The following KIFAP3 variants were observed in gnomAD, a reference collection of about 807,000 sequenced individuals.
KIFAP3 encodes the protein kinesin associated protein 3, also known as kinesin-associated protein 3.
A neutral mutation model predicts 106.5 loss-of-function variants in KIFAP3; 68 were observed. That is an observed-to-expected ratio of 0.64 (90% CI 0.53 to 0.78). The LOEUF is 0.78. Among genes scored for constraint, KIFAP3 ranks in the 30% least tolerant of loss-of-function variants. KIFAP3 has a pLI of 0.00. For missense variants in KIFAP3, 780 were observed against 941.8 expected (o/e 0.83, Z 2.25); for synonymous variants, 320 against 311.5 (o/e 1.03, Z -0.29).
intron 17 of KIFAP3, among the ~76,000 whole-genome samples, chr1:169,970,761 G>A (rs1665878699): frequency 6.6e-6 from 1 of 152,012 alleles, no homozygotes; most frequent in African/African-American, 2.4e-5. Context: ...AATGCTAACT[G>A]AACAAAAACT....
chr1:169,943,322 T>C (rs967807270), intron 19 of KIFAP3, among the ~76,000 whole-genome samples: 8 of 152,166 alleles, frequency 5.3e-5, no homozygotes, highest in Non-Finnish European at 8.8e-5. Context: ...AAATATCTAA[T>C]ATTTCTAATA....
At chr1:170,050,453 G>C (rs1670518013) in intron 2 of KIFAP3, among the ~76,000 whole-genome samples, 1 of 152,162 alleles carries the variant, frequency 6.6e-6, no homozygotes, top group Admixed American at 6.5e-5. Flanking sequence ...CCCCAGCCTA[G>C]CAAGACAGGC....
chr1:169,982,479 A>G (rs979250115), intron 14 of KIFAP3, among the ~76,000 whole-genome samples: 4 of 152,190 alleles, frequency 2.6e-5, no homozygotes, highest in African/African-American at 9.6e-5. Flanking sequence ...CAAGAAAGGT[A>G]GAATAGGAAA....
chr1:170,006,679 T>C (rs963470717), intron 10 of KIFAP3, among the ~76,000 whole-genome samples: 6 of 152,244 alleles, frequency 3.9e-5, no homozygotes, highest in South Asian at 2.1e-4. Flanking sequence ...GAAGTTACCA[T>C]TTACTGACAT....
chr1:170,055,543 T>C, intron 1 of KIFAP3, 107 bp from the exon 2 acceptor site: 1 of 725,592 alleles, frequency 1.4e-6, no homozygotes, highest in Non-Finnish European at 2.2e-6. Context: ...CATGTGCATT[T>C]GAATCAGATT....
At chr1:170,044,278 C>A (rs1670132559) in intron 3 of KIFAP3, among the ~76,000 whole-genome samples, 1 of 152,112 alleles carries the variant, frequency 6.6e-6, no homozygotes, top group Non-Finnish European at 1.5e-5. Context: ...AAACTGAAGG[C>A]ACACAAATCT....
At chr1:170,017,490 C>G (rs1180937067) in intron 9 of KIFAP3, among the ~76,000 whole-genome samples, 1 of 151,790 alleles carries the variant, frequency 6.6e-6, no homozygotes. Flanking sequence ...GCCAGTGGAT[C>G]GGCATTTAGG....
In KIFAP3 at chr1:169,961,117, C is replaced by A; in HGVS notation, c.2102G>T (p.Gly701Val). 1 of 1,613,700 alleles carries A rather than the reference C, an allele frequency of 6.2e-7. No individual in the cohort carries two copies. The highest frequency in any genetic ancestry group is 8.5e-7 in the Non-Finnish European group (1 of 1,179,732). The change falls in exon 18 of 20, where the codon GGT (glycine) becomes GTT (valine). Residue 701 changes from glycine to valine, a missense_variant. This residue lies in a region of KIFAP3 where 114 missense variants were observed against 122.3 expected (regional missense o/e 0.93). Coordinates refer to ENST00000361580, the MANE Select transcript of KIFAP3 (RefSeq NM_014970.4). Reference sequence around the variant, plus strand: ...AATGTATGGCTCAATTCGATCATCACCATACAAGTACTGCTCACTCTCATC... The same window carrying A: ...AATGTATGGCTCAATTCGATCATCAACATACAAGTACTGCTCACTCTCATC... ...QMDESEQYLY[G>V]DDRIEPYIHE...
intron 19 of KIFAP3, among the ~76,000 whole-genome samples, chr1:169,942,522 T>C (rs1423755492): frequency 6.6e-6 from 1 of 152,244 alleles, no homozygotes; most frequent in Non-Finnish European, 1.5e-5. Flanking sequence ...GAAAACAAGA[T>C]TAAACTGATT....
intron 2 of KIFAP3, 132 bp from the exon 3 acceptor site, chr1:170,046,998 A>G (rs1444827331): frequency 2.3e-6 from 1 of 433,564 alleles, no homozygotes; most frequent in Non-Finnish European, 3.8e-6. Flanking sequence ...AAAATAAACT[A>G]TTAGATATAA....
chr1:170,048,019 A>G (rs1056258299), intron 2 of KIFAP3, among the ~76,000 whole-genome samples: 2 of 152,244 alleles, frequency 1.3e-5, no homozygotes, highest in African/African-American at 2.4e-5. Flanking sequence ...TTGTTGGAAG[A>G]CATCAAGGAA....
intron 1 of KIFAP3, among the ~76,000 whole-genome samples, chr1:170,067,334 G>C (rs989985307): frequency 5.3e-5 from 8 of 152,270 alleles, no homozygotes; most frequent in African/African-American, 1.9e-4. Context: ...GGGACCTCTA[G>C]AGGCTGGCAC....
At chr1:170,084,314 A>G (rs957686528) in intron 1 of KIFAP3, among the ~76,000 whole-genome samples, 1 of 152,184 alleles carries the variant, frequency 6.6e-6, no homozygotes, top group Non-Finnish European at 1.5e-5. Context: ...TTATACCTCT[A>G]TCCTCTCCAA....
rs199738941 is a variant in KIFAP3, at chr1:170,031,868, T to C, written c.841+18A>G. The stretch of plus-strand genomic sequence containing the variant: ...AGTAAGTACTTTGTTGCTTTCCTCA[T>C]TGCTTAGGAATTCATACCTCGTAAT... On this transcript the variant is annotated intron_variant, in intron 8 of 19. Transcript: ENST00000361580. 2.5e-4 allele frequency: 374 copies of C among 1,504,006 alleles called. No homozygotes were observed. Among genetic ancestry groups the C allele is most frequent in the Non-Finnish European group, 3.0e-4 (321 of 1,082,482 alleles). The allele number at this position is 1,504,006 out of a possible 1,614,324, so 93.2% of individuals were successfully genotyped here.
At chr1:169,974,525 A>G (rs966900926) in intron 16 of KIFAP3, among the ~76,000 whole-genome samples, 2 of 151,876 alleles carry the variant, frequency 1.3e-5, no homozygotes, top group African/African-American at 4.8e-5. Flanking sequence ...AGTGGTTCTT[A>G]CTATTTTTTT....
chr1:170,004,657 T>C (rs1480570964), intron 10 of KIFAP3, among the ~76,000 whole-genome samples: 49 of 151,998 alleles, frequency 3.2e-4, no homozygotes, highest in South Asian at 6.2e-4. Context: ...TAGCCATATG[T>C]AGAAAGCTGA....
intron 19 of KIFAP3, among the ~76,000 whole-genome samples, chr1:169,941,004 T>C (rs1051885424): frequency 2.6e-5 from 4 of 151,936 alleles, no homozygotes; most frequent in African/African-American, 4.8e-5. Flanking sequence ...ATGAAGAAAC[T>C]TTCTGTGGAC....
upstream of KIFAP3, among the ~76,000 whole-genome samples, chr1:170,077,710 G>A (rs532918812): frequency 7.3e-4 from 111 of 152,050 alleles, no homozygotes; most frequent in Non-Finnish European, 1.3e-3. Flanking sequence ...CTTTGGAGTC[G>A]CCTTATCCCC....
intron 10 of KIFAP3, among the ~76,000 whole-genome samples, chr1:170,004,959 C>T (rs1667869584): frequency 6.6e-6 from 1 of 152,094 alleles, no homozygotes; most frequent in South Asian, 2.1e-4. Flanking sequence ...ACCTACTCAT[C>T]TGACAAAGGG....
Sources: allele counts gnomAD v4.1 joint callset (sites outside exome capture counted in the v4.1 genomes callset), GRCh38; gene constraint gnomAD v4.1.1; regional missense constraint gnomAD v4.1.1; transcripts MANE v1.5; gene names NCBI Gene and HGNC (gene_info 2026-07-23, HGNC 2026-07-21).